The following POT1 variants were observed in gnomAD, a reference collection of about 807,000 sequenced individuals.
POT1 encodes the protein protection of telomeres 1.
POT1 carries 47 observed loss-of-function variants against 78.5 expected under a neutral mutation model. That is an observed-to-expected ratio of 0.60 (90% confidence interval 0.47 to 0.76). POT1 has a LOEUF of 0.76. POT1 is among the 30% of genes least tolerant of loss of function. The pLI is 0.00. For synonymous variants in POT1, 259 were observed against 260.7 expected, an observed-to-expected ratio of 0.99 and a Z score of 0.06; for missense variants, 646 against 749.9, an observed-to-expected ratio of 0.86 and a Z score of 1.62.
chr7:124,910,661 CA>C (rs2116684491), intron 3 of POT1, among the ~76,000 whole-genome samples: 1 of 151,908 alleles, frequency 6.6e-6, no homozygotes, highest in African/African-American at 2.4e-5. Context: ...GTAAAATAAA[CA>C]AAGGATAGGA....
At chr7:124,881,514 A>G (rs1796117773) in intron 6 of POT1, among the ~76,000 whole-genome samples, 1 of 152,066 alleles carries the variant, frequency 6.6e-6, no homozygotes, top group African/African-American at 2.4e-5. Context: ...GCTAAAAGAA[A>G]TGTTAAACAC....
At chr7:124,884,877 CAG>C (rs772471821) in intron 6 of POT1, among the ~76,000 whole-genome samples, 3 of 152,088 alleles carry the variant, frequency 2.0e-5, no homozygotes, top group African/African-American at 7.2e-5. Context: ...ATAATAAAAA[CAG>C]AGTAAATGTG....
intron 6 of POT1, among the ~76,000 whole-genome samples, chr7:124,887,622 T>G (rs933168599): frequency 6.6e-6 from 1 of 152,120 alleles, no homozygotes; most frequent in Non-Finnish European, 1.5e-5. Context: ...ATGCAGGAGA[T>G]AAAGTCTACA....
intron 12 of POT1, among the ~76,000 whole-genome samples, chr7:124,844,202 C>T (rs1795103416): frequency 6.7e-6 from 1 of 148,700 alleles, no homozygotes. Flanking sequence ...GATCTCTGCT[C>T]ACCACAACCT....
At chr7:124,920,365 T>C in intron 2 of POT1, among the ~76,000 whole-genome samples, 1 of 152,130 alleles carries the variant, frequency 6.6e-6, no homozygotes, top group East Asian at 1.9e-4. Flanking sequence ...TATGACATTC[T>C]TGAAAAACAA....
chr7:124,925,115 A>G (rs1338171427), intron 2 of POT1, among the ~76,000 whole-genome samples: 1 of 152,058 alleles, frequency 6.6e-6, no homozygotes, highest in Non-Finnish European at 1.5e-5. Flanking sequence ...CCTAGCCAGA[A>G]CAATGAGGCA....
At chr7:124,856,231 G>A (rs1281470069) in intron 9 of POT1, among the ~76,000 whole-genome samples, 2 of 152,208 alleles carry the variant, frequency 1.3e-5, no homozygotes, top group African/African-American at 4.8e-5. Context: ...GTACCAAGAA[G>A]AATTCATTTA....
chr7:124,822,601 T>C lies in POT1; in HGVS notation c.*1361A>G, dbSNP rs76436625. On this transcript the variant is annotated 3_prime_UTR_variant, in exon 19 of 19. Coordinates refer to ENST00000357628, the MANE Select transcript of POT1 (RefSeq NM_015450.3). ...TCACCTTTGTATCCTGAGCACATCA[T>C]CAACACGGAAACACACCTGTTCAAC... 63,139 of 448,896 alleles carry C rather than the reference T, an allele frequency of 0.14. 5,901 individuals are homozygous for C. Among genetic ancestry groups the C allele is most frequent in the South Asian group, 0.27 (16,847 of 63,370 alleles). The allele number at this position is 448,896 out of a possible 1,614,324, so 27.8% of individuals were successfully genotyped here.
Position 124,887,834 on chromosome 7 carries a change from A to T in POT1, c.124+4432T>A, listed in dbSNP as rs140110275. ...TAAATTTAGTAAAATTAAATTAAACACAGGTGAAGTGTGTGTTTCTGTTCA... is the reference window on the plus strand; with the variant it reads ...TAAATTTAGTAAAATTAAATTAAACTCAGGTGAAGTGTGTGTTTCTGTTCA... On this transcript the variant is annotated intron_variant, in intron 6 of 18. Coordinates refer to ENST00000357628, the MANE Select transcript of POT1 (RefSeq NM_015450.3). 5.1e-3 allele frequency among the ~76,000 whole-genome samples: 772 copies of T among 152,274 alleles called. 8 individuals are homozygous for T. Among genetic ancestry groups the T allele is most frequent in the African/African-American group, 0.017 (709 of 41,574 alleles).
intron 15 of POT1, among the ~76,000 whole-genome samples, chr7:124,832,175 C>T (rs897691013): frequency 2.1e-5 from 3 of 139,778 alleles, no homozygotes; most frequent in African/African-American, 7.9e-5. Context: ...AGTAGGATTG[C>T]TTGAGCCCAG....
intron 14 of POT1, among the ~76,000 whole-genome samples, chr7:124,838,414 A>G (rs1314763045): frequency 1.3e-5 from 2 of 152,164 alleles, no homozygotes; most frequent in African/African-American, 4.8e-5. Flanking sequence ...GCACCAAAAA[A>G]GAAAATACTT....
chr7:124,917,405 C>A (rs1797039534), intron 2 of POT1, among the ~76,000 whole-genome samples: 1 of 152,134 alleles, frequency 6.6e-6, no homozygotes. Context: ...TATGAAGCCT[C>A]TAGTGCATTG....
intron 7 of POT1, among the ~76,000 whole-genome samples, chr7:124,867,947 T>C (rs949009526): frequency 1.1e-4 from 16 of 152,146 alleles, no homozygotes; most frequent in Non-Finnish European, 1.0e-4. Flanking sequence ...CTTTATTTTC[T>C]TTATAGTAGC....
In POT1 at chr7:124,863,562, C is replaced by T. The variant is rs1273205641; in HGVS notation, c.334G>A (p.Ala112Thr). ...CTTGAAGTGCGAGGTATGATAGGGG[C>T]TCCCAAAGTTCCCTCAAACGTCAAA... ...ASLTFEGTLG[A>T]PIIPRTSSKY... Residue 112 changes from alanine to threonine, a missense_variant, in exon 8 of 19, where the codon GCC (alanine) becomes ACC (threonine). By Grantham distance (58) the Ala-to-Thr change is moderately conservative (BLOSUM62 0). Coordinates refer to ENST00000357628, the MANE Select transcript of POT1 (RefSeq NM_015450.3). The T allele has an allele frequency of 6.2e-7, 1 of 1,613,754 alleles. No individual in the cohort carries two copies. Among genetic ancestry groups the T allele is most frequent in the South Asian group, 1.1e-5 (1 of 91,070 alleles).
chr7:124,907,050 T>C (rs1362681914), intron 3 of POT1, among the ~76,000 whole-genome samples: 2 of 152,136 alleles, frequency 1.3e-5, no homozygotes, highest in Non-Finnish European at 2.9e-5. Flanking sequence ...ATACCACAGA[T>C]GTTTAACTCA....
chr7:124,912,786 C>T (rs1240412211), intron 3 of POT1, among the ~76,000 whole-genome samples: 3 of 152,092 alleles, frequency 2.0e-5, no homozygotes, highest in African/African-American at 7.2e-5. Context: ...ATTTCAAATA[C>T]AAAAGACTAG....
At chr7:124,869,113 C>T (rs1795802421) in intron 7 of POT1, among the ~76,000 whole-genome samples, 1 of 152,090 alleles carries the variant, frequency 6.6e-6, no homozygotes, top group African/African-American at 2.4e-5. Context: ...CATTCATTCA[C>T]ATTTCTCTAG....
chr7:124,839,139 C>A (rs919080628), intron 14 of POT1, among the ~76,000 whole-genome samples: 1 of 152,018 alleles, frequency 6.6e-6, no homozygotes, highest in Non-Finnish European at 1.5e-5. Flanking sequence ...AACACAGAAG[C>A]AAATTCACAC....
At chr7:124,827,646 T>C (rs763673885) in intron 16 of POT1, among the ~76,000 whole-genome samples, 8 of 152,226 alleles carry the variant, frequency 5.3e-5, no homozygotes, top group Non-Finnish European at 8.8e-5. Context: ...TAAGCTCATT[T>C]AGCAGATTCA....
Sources: allele counts gnomAD v4.1 joint callset (sites outside exome capture counted in the v4.1 genomes callset), GRCh38; gene constraint gnomAD v4.1.1; transcripts MANE v1.5; gene names NCBI Gene and HGNC (gene_info 2026-07-23, HGNC 2026-07-21).